The following TRPM7 variants were observed in gnomAD, a reference collection of about 807,000 sequenced individuals.
The protein encoded by TRPM7 is transient receptor potential cation channel subfamily M member 7.
In TRPM7, 134 loss-of-function variants were observed where a neutral mutation model predicts 229.7. The observed-to-expected ratio is 0.58, with a 90% CI of 0.51 to 0.67. TRPM7 has a LOEUF of 0.67. Ranked by LOEUF, TRPM7 falls within the 30% of genes least tolerant of loss-of-function variation. The pLI, the probability that TRPM7 is intolerant of heterozygous loss-of-function variation, is 0.00. For synonymous variants in TRPM7, 699 were observed against 715.2 expected (o/e 0.98, Z 0.36); for missense variants, 1,901 against 2,210.0 (o/e 0.86, Z 2.80).
At chr15:50,608,470 A>G (rs1194360299) in intron 19 of TRPM7, among the ~76,000 whole-genome samples, 1 of 150,868 alleles carries the variant, frequency 6.6e-6, no homozygotes, top group Non-Finnish European at 1.5e-5. Flanking sequence ...AAAGAAAGAA[A>G]AGAGAAATTC....
intron 6 of TRPM7, 114 bp downstream of exon 6, chr15:50,639,310 A>C: frequency 1.1e-6 from 1 of 892,588 alleles, no homozygotes. Context: ...ATACCTTTTA[A>C]ACTTAATTTG....
At chr15:50,621,921 T>C (rs760725659) in intron 12 of TRPM7, among the ~76,000 whole-genome samples, 32 of 151,950 alleles carry the variant, frequency 2.1e-4, no homozygotes, top group Non-Finnish European at 3.4e-4. Context: ...TCCCAGCAAC[T>C]TGGGAGGCTG....
intron 1 of TRPM7, among the ~76,000 whole-genome samples, chr15:50,665,491 A>C (rs1389137084): frequency 6.6e-6 from 1 of 152,154 alleles, no homozygotes; most frequent in Non-Finnish European, 1.5e-5. Flanking sequence ...CACTGATCAC[A>C]ATGCAATTAA....
intron 1 of TRPM7, among the ~76,000 whole-genome samples, chr15:50,672,286 CG>C (rs1383482503): frequency 5.3e-5 from 8 of 151,912 alleles, no homozygotes; most frequent in Admixed American, 2.0e-4. Flanking sequence ...CTCCTGACCT[CG>C]TGACGTGATC....
rs553263235 is a variant in TRPM7 at position 50,565,921 on chromosome 15, C to T, written c.5467+3966G>A. Among the ~76,000 whole-genome samples, 130 of 151,754 alleles carry T rather than the reference C, an allele frequency of 8.6e-4. 1 individual carries two copies. The highest frequency in any genetic ancestry group is 7.5e-3 in the South Asian group (36 of 4,800). ...TCATTGCAACCTCTGCCTCCCAGGT[C>T]CCAGTGATTCTCCTGCCTTGGCTTA... On this transcript the variant is annotated intron_variant, in intron 38 of 38. Coordinates refer to ENST00000646667, the MANE Select transcript of TRPM7 (RefSeq NM_017672.6).
rs11388770 is a variant in TRPM7 at position 50,659,675 on chromosome 15, C to CTT, written c.84-1858_84-1857dup. Among the ~76,000 whole-genome samples, 346 of 149,008 alleles carry CTT rather than the reference C, an allele frequency of 2.3e-3. 12 individuals carry two copies. The South Asian group carries it at 0.061, about 26-fold the overall frequency. On this transcript the variant is annotated intron_variant, in intron 2 of 38. Transcript: ENST00000646667. The stretch of plus-strand genomic sequence containing the variant: ...TCCTTAATGATAAAATCTATTTTTT[C>CTT]TTTTTTTTTTGAGATGGAGTCTCAC...
intron 1 of TRPM7, among the ~76,000 whole-genome samples, chr15:50,674,511 C>T (rs978040408): frequency 2.0e-5 from 3 of 152,092 alleles, no homozygotes; most frequent in African/African-American, 7.2e-5. Context: ...ATTATTGTTG[C>T]TATTATTATT....
chr15:50,562,772 C>CAA (rs537634338), intron 38 of TRPM7, among the ~76,000 whole-genome samples: 1,740 of 80,858 alleles, frequency 0.022, 56 homozygotes, highest in African/African-American at 0.069. Flanking sequence ...GATCCTGTCT[C>CAA]AAAAAAAAAA....
intron 6 of TRPM7, among the ~76,000 whole-genome samples, chr15:50,638,739 G>A (rs1421399641): frequency 1.4e-5 from 2 of 144,768 alleles, no homozygotes; most frequent in Non-Finnish European, 3.1e-5. Context: ...AGGCTGGAAT[G>A]CAGTGGCTCA....
In TRPM7 at chr15:50,574,693, T is replaced by C. The variant is rs2054051196; in HGVS notation, c.5046A>G (p.Gln1682=). The C allele has an allele frequency of 1.9e-6, 3 of 1,613,980 alleles. No individual in the cohort carries two copies. The highest frequency in any genetic ancestry group is 2.5e-6 in the Non-Finnish European group (3 of 1,179,958). The change falls in exon 35 of 39, where the codon CAA becomes CAG. Residue 1682 remains glutamine (Q), a synonymous_variant. Transcript: ENST00000646667. The part of the protein sequence containing the change: ...LREIQQQRAA[Q]KLTFAFNQMK... Reference sequence around the variant, plus strand: ...TTTGATTAAAGGCAAACGTAAGCTTTTGTGCTGCTCTCTGTTGTTGAATTT... The same window carrying C: ...TTTGATTAAAGGCAAACGTAAGCTTCTGTGCTGCTCTCTGTTGTTGAATTT...
At chr15:50,616,075 A>G (rs28494067) in intron 13 of TRPM7, among the ~76,000 whole-genome samples, 53,063 of 151,928 alleles carry the variant, frequency 0.35, 10,459 homozygotes, top group Admixed American at 0.48. Context: ...GTCACCTATG[A>G]TATTCTTCAA....
chr15:50,653,385 T>C (rs1351547858), intron 3 of TRPM7, among the ~76,000 whole-genome samples: 1 of 152,184 alleles, frequency 6.6e-6, no homozygotes, highest in Admixed American at 6.5e-5. Flanking sequence ...ACAGATAACA[T>C]AATACTTATT....
At chr15:50,665,072 C>T (rs1162350795) in intron 1 of TRPM7, among the ~76,000 whole-genome samples, 1 of 151,990 alleles carries the variant, frequency 6.6e-6, no homozygotes, top group African/African-American at 2.4e-5. Flanking sequence ...AACAGAAGAT[C>T]CATTCATTCT....
chr15:50,612,892 G>A, intron 15 of TRPM7, 63 bp from the exon 16 acceptor site: 1 of 1,422,524 alleles, frequency 7.0e-7, no homozygotes, highest in Non-Finnish European at 9.5e-7. Context: ...TTATGTCAGT[G>A]AAAATTTTAG....
At chr15:50,643,065 C>T (rs764567936) in intron 5 of TRPM7, among the ~76,000 whole-genome samples, 4 of 151,934 alleles carry the variant, frequency 2.6e-5, no homozygotes, top group Non-Finnish European at 4.4e-5. Context: ...GATAATTTTG[C>T]GGATCACGAG....
In TRPM7 at chr15:50,558,231, C is replaced by A. The variant is rs1365219477; in HGVS notation, c.*3447G>T. ...ACCAATGGTCATCATGCTTGAGAGT[C>A]AATACAGCACATAATTCACAGCACA... is the stretch of plus-strand genomic sequence containing the variant. On this transcript the variant is annotated 3_prime_UTR_variant, in exon 39 of 39. Transcript: ENST00000646667. 6.6e-6 allele frequency: 1 copy of A among 152,092 alleles called. No individual in the cohort carries two copies. Among genetic ancestry groups the A allele is most frequent in the African/African-American group, 2.4e-5 (1 of 41,420 alleles). The allele number at this position is 152,092 out of a possible 1,614,324, so 9.4% of individuals were successfully genotyped here.
chr15:50,629,617 T>A (rs900502154), intron 10 of TRPM7, among the ~76,000 whole-genome samples: 1 of 152,162 alleles, frequency 6.6e-6, no homozygotes, highest in Non-Finnish European at 1.5e-5. Context: ...TTACATAAGT[T>A]CTGACCCATT....
chr15:50,575,814 A>G lies in TRPM7; in HGVS notation c.4670-25T>C, dbSNP rs1437316293. On this transcript the variant is annotated intron_variant, in intron 32 of 38. Transcript: ENST00000646667. ...GCTGCATAAAAATGAGAGAGAAATA[A>G]TTAAATCTGTAAAGGTCCAAAATGC... 3 of 1,613,000 alleles carry G rather than the reference A, an allele frequency of 1.9e-6. No homozygotes were observed. In the East Asian group the frequency reaches 6.7e-5, roughly 36 times the overall value.
intron 7 of TRPM7, 138 bp downstream of exon 7, chr15:50,637,284 C>G: frequency 1.3e-6 from 1 of 743,310 alleles, no homozygotes; most frequent in Non-Finnish European, 2.1e-6. Context: ...TGTCTAAGAT[C>G]AACCACTGTT....
Sources: allele counts gnomAD v4.1 joint callset (sites outside exome capture counted in the v4.1 genomes callset), GRCh38; gene constraint gnomAD v4.1.1; transcripts MANE v1.5; gene names NCBI Gene and HGNC (gene_info 2026-07-23, HGNC 2026-07-21).